The following RTL4 variants were observed in gnomAD, a reference collection of about 807,000 sequenced individuals.
RTL4 encodes the protein retrotransposon Gag like 4, also known as retrotransposon Gag-like protein 4.
A neutral mutation model predicts 5.3 loss-of-function variants in RTL4; 4 were observed. That is an observed-to-expected ratio of 0.75 (90% CI 0.37 to 1.72). The LOEUF is 1.72. Ranked by LOEUF, RTL4 falls within the 40% of genes most tolerant of loss-of-function variation. The probability of loss-of-function intolerance (pLI) is 0.04; values close to 1 mark genes in which losing one functional copy is unlikely to be tolerated. For synonymous variants in RTL4, 98 were observed against 87.3 expected, an observed-to-expected ratio of 1.12 and a Z score of -0.68; for missense variants, 260 against 227.1, an observed-to-expected ratio of 1.14 and a Z score of -0.93.
the RTL4 span, among the ~76,000 whole-genome samples, chrX:112,239,242 C>A: frequency 9.0e-6 from 1 of 111,380 alleles, no homozygotes; most frequent in Non-Finnish European, 1.9e-5. Flanking sequence ...CTGGCAGGGG[C>A]AGGTGGCACT....
At chrX:112,404,201 T>C in the RTL4 span, among the ~76,000 whole-genome samples, 1 of 111,767 alleles carries the variant, frequency 8.9e-6, no homozygotes, top group African/African-American at 3.2e-5. Context: ...CTTATGACAT[T>C]GAGGATGAAT....
the RTL4 span, among the ~76,000 whole-genome samples, chrX:112,170,443 T>A: frequency 1.2e-4 from 14 of 112,150 alleles, no homozygotes; most frequent in South Asian, 4.9e-3. Flanking sequence ...TGGTTTGTAG[T>A]TCTCCTCAAA....
chrX:112,362,122 A>T, the RTL4 span, among the ~76,000 whole-genome samples: 1 of 112,187 alleles, frequency 8.9e-6, no homozygotes, highest in East Asian at 2.8e-4. Flanking sequence ...AAATGACAGC[A>T]ACGATATCTC....
At chrX:112,182,717 G>A in the RTL4 span, among the ~76,000 whole-genome samples, 1 of 112,300 alleles carries the variant, frequency 8.9e-6, no homozygotes, top group Non-Finnish European at 1.9e-5. Context: ...GTGACAGGGA[G>A]AATGGAACCA....
the RTL4 span, among the ~76,000 whole-genome samples, chrX:112,378,815 A>G: frequency 2.7e-5 from 3 of 112,026 alleles, no homozygotes; most frequent in Non-Finnish European, 5.6e-5. Context: ...GCCTCTACCA[A>G]AAATCCAACC....
chrX:112,256,218 G>A, the RTL4 span, among the ~76,000 whole-genome samples: 1 of 111,852 alleles, frequency 8.9e-6, no homozygotes, highest in Non-Finnish European at 1.9e-5. Flanking sequence ...GTATATATTT[G>A]TTCAAACATT....
the RTL4 span, among the ~76,000 whole-genome samples, chrX:112,249,777 TTATA>T: frequency 1.0e-5 from 1 of 99,782 alleles, no homozygotes; most frequent in Non-Finnish European, 2.0e-5. Context: ...ATATATGTAA[TTATA>T]TATATATATA....
At chrX:112,113,768 T>G in the RTL4 span, among the ~76,000 whole-genome samples, 2 of 111,881 alleles carry the variant, frequency 1.8e-5, no homozygotes, top group Non-Finnish European at 3.8e-5. Context: ...ACAATCTTTT[T>G]TAAAGTATCC....
chrX:112,229,593 T>A, the RTL4 span, among the ~76,000 whole-genome samples: 1 of 112,064 alleles, frequency 8.9e-6, no homozygotes, highest in Non-Finnish European at 1.9e-5. Flanking sequence ...CTGGGCCACA[T>A]TGGAAGAAAA....
At chrX:112,345,385 T>A in the RTL4 span, among the ~76,000 whole-genome samples, 3 of 111,418 alleles carry the variant, frequency 2.7e-5, no homozygotes, top group Non-Finnish European at 5.7e-5. Context: ...TCCAAACAGC[T>A]CCTTTCCTGG....
At chrX:112,269,583 T>G in the RTL4 span, among the ~76,000 whole-genome samples, 1 of 112,226 alleles carries the variant, frequency 8.9e-6, no homozygotes, top group South Asian at 3.7e-4. Flanking sequence ...GGAAGGTAGA[T>G]AATGTTATGC....
chrX:112,305,864 T>G, the RTL4 span, among the ~76,000 whole-genome samples: 1 of 111,645 alleles, frequency 9.0e-6, no homozygotes, highest in Non-Finnish European at 1.9e-5. Flanking sequence ...GGTGGTTTGG[T>G]TTTGGTGGCC....
the RTL4 span, among the ~76,000 whole-genome samples, chrX:112,431,412 C>A: frequency 8.9e-6 from 1 of 111,919 alleles, no homozygotes; most frequent in African/African-American, 3.2e-5. Context: ...GGTAATAAAA[C>A]TTACAAAAAT....
chrX:112,279,962 T>C, the RTL4 span, among the ~76,000 whole-genome samples: 2 of 111,688 alleles, frequency 1.8e-5, no homozygotes, highest in South Asian at 7.6e-4. Flanking sequence ...AAGGTTACGA[T>C]ACTGCCAAAA....
chrX:112,135,724 C>T, the RTL4 span, among the ~76,000 whole-genome samples: 2 of 110,068 alleles, frequency 1.8e-5, no homozygotes, highest in Non-Finnish European at 3.8e-5. Context: ...CATTTTTTTG[C>T]ATATGCATAT....
chrX:112,324,997 C>A, the RTL4 span, among the ~76,000 whole-genome samples: 12 of 111,631 alleles, frequency 1.1e-4, no homozygotes, highest in Non-Finnish European at 1.9e-4. Flanking sequence ...CATTCTTATA[C>A]ACCAATAGCA....
the RTL4 span, among the ~76,000 whole-genome samples, chrX:112,169,827 T>C: frequency 1.8e-5 from 2 of 111,833 alleles, no homozygotes; most frequent in Admixed American, 9.5e-5. Flanking sequence ...TGACAATGTC[T>C]TGACTCCAAA....
the RTL4 span, among the ~76,000 whole-genome samples, chrX:112,340,608 G>A: frequency 3.5e-3 from 376 of 106,020 alleles, 4 homozygotes; most frequent in African/African-American, 0.012. Flanking sequence ...GCGGGGTGGC[G>A]GGGTAGGGAA....
At chrX:112,289,974 G>T in the RTL4 span, among the ~76,000 whole-genome samples, 3 of 111,207 alleles carry the variant, frequency 2.7e-5, no homozygotes, top group Non-Finnish European at 5.6e-5. Context: ...AACTCAAGCA[G>T]CTTGACCCTA....
Sources: gnomAD v4.1 joint callset for allele counts (sites outside exome capture counted in the v4.1 genomes callset) on GRCh38, gnomAD v4.1.1 for gene constraint, MANE v1.5 for transcripts, NCBI Gene and HGNC (gene_info 2026-07-23, HGNC 2026-07-21) for gene names.